Variants in SYK observed in about 807,000 individuals in gnomAD.
SYK encodes tyrosine-protein kinase SYK.
SYK carries 16 observed loss-of-function variants against 77.8 expected under a neutral mutation model. The ratio of observed to expected loss-of-function variants is 0.21; its 90% CI spans 0.14 to 0.31. The LOEUF is 0.31. SYK is among the 10% of genes least tolerant of loss of function. The pLI, the probability that SYK is intolerant of heterozygous loss-of-function variation, is 1.00. For synonymous variants in SYK, 312 were observed against 308.7 expected (o/e 1.01, Z -0.11); for missense variants, 529 against 814.4 (o/e 0.65, Z 4.26).
chr9:90,843,925 C>T lies in SYK; in HGVS notation c.27C>T (p.Ser9=), dbSNP rs201458538. 2.4e-5 allele frequency: 38 copies of T among 1,554,682 alleles called. No homozygotes were observed. The highest frequency in any genetic ancestry group is 2.8e-5 in the Non-Finnish European group (32 of 1,148,944). MASSGMAD[S]ANHLPFFFGN... is the part of the protein sequence containing the mutation. ...TGGCCAGCAGCGGCATGGCTGACAGCGCCAACCACCTGCCCTTCTTTTTCG... is the reference window on the plus strand; with the variant it reads ...TGGCCAGCAGCGGCATGGCTGACAGTGCCAACCACCTGCCCTTCTTTTTCG... Residue 9 remains serine (S), a synonymous_variant, in exon 2 of 14, where the codon AGC becomes AGT. Transcript: ENST00000375754.
intron 4 of SYK, among the ~76,000 whole-genome samples, chr9:90,862,725 T>C (rs1200716947): frequency 1.3e-5 from 2 of 152,050 alleles, no homozygotes; most frequent in Non-Finnish European, 2.9e-5. Context: ...ATCTAGAAAA[T>C]ATTTCTTCCT....
At chr9:90,818,532 C>T (rs1446850119) in intron 1 of SYK, among the ~76,000 whole-genome samples, 2 of 152,138 alleles carry the variant, frequency 1.3e-5, no homozygotes, top group African/African-American at 2.4e-5. Flanking sequence ...GACTTGTTTA[C>T]GGTCAGATCG....
chr9:90,854,749 C>A (rs572254631), intron 3 of SYK, among the ~76,000 whole-genome samples: 12 of 152,102 alleles, frequency 7.9e-5, no homozygotes, highest in African/African-American at 2.7e-4. Flanking sequence ...ACTGAATCCC[C>A]ATGTGGCTTG....
intron 11 of SYK, among the ~76,000 whole-genome samples, chr9:90,884,278 CACACATATACACAT>C (rs1828314814): frequency 5.1e-5 from 6 of 118,536 alleles, no homozygotes; most frequent in East Asian, 3.2e-4. Flanking sequence ...TGTATATATA[CACACATATACACAT>C]ACGTGTATAT....
chr9:90,880,116 G>A (rs1564116912), intron 11 of SYK, among the ~76,000 whole-genome samples: 5 of 152,194 alleles, frequency 3.3e-5, no homozygotes, highest in Admixed American at 2.6e-4. Flanking sequence ...TACCTAGTGG[G>A]TGGCAGATAG....
chr9:90,824,454 A>C (rs957150995), intron 1 of SYK, among the ~76,000 whole-genome samples: 1 of 152,182 alleles, frequency 6.6e-6, no homozygotes. Flanking sequence ...TATTACTTAT[A>C]TATACAAAAA....
At chr9:90,811,232 T>C (rs1825059547) in intron 1 of SYK, among the ~76,000 whole-genome samples, 1 of 152,170 alleles carries the variant, frequency 6.6e-6, no homozygotes, top group Non-Finnish European at 1.5e-5. Flanking sequence ...AATGGTAAGA[T>C]ATATTTAATT....
At chr9:90,865,804 T>A (rs1184432617) in intron 6 of SYK, among the ~76,000 whole-genome samples, 1 of 149,812 alleles carries the variant, frequency 6.7e-6, no homozygotes, top group East Asian at 2.0e-4. Flanking sequence ...AGCTGTCTCC[T>A]CCCTCCAGCC....
At chr9:90,880,160 A>G (rs1828095012) in intron 11 of SYK, among the ~76,000 whole-genome samples, 1 of 152,024 alleles carries the variant, frequency 6.6e-6, no homozygotes, top group Admixed American at 6.6e-5. Flanking sequence ...GTGGTCAGAG[A>G]CCCCACCCTG....
At chr9:90,852,543 G>A (rs902726432) in intron 3 of SYK, among the ~76,000 whole-genome samples, 2 of 152,222 alleles carry the variant, frequency 1.3e-5, no homozygotes, top group South Asian at 2.1e-4. Context: ...TTTGTATTAA[G>A]TGTATTGTTT....
rs115781501 is a variant in SYK at position 90,897,728 on chromosome 9, C to T, written c.*2128C>T. 843 of 224,622 alleles carry T rather than the reference C, an allele frequency of 3.8e-3. 9 individuals carry two copies. The highest frequency in any genetic ancestry group is 0.018 in the African/African-American group (800 of 45,002). The allele number at this position is 224,622 out of a possible 1,614,324, so 13.9% of individuals were successfully genotyped here. A position where few individuals can be genotyped will look rare whatever the true frequency, so the allele number is the denominator to read the frequency against. ...TGGGACAAGATGGGGGCAGGGGCCTCACCTCCCTGCAGAGGTCCGGCCAGG... is the reference window on the plus strand; with the variant it reads ...TGGGACAAGATGGGGGCAGGGGCCTTACCTCCCTGCAGAGGTCCGGCCAGG... On this transcript the variant is annotated 3_prime_UTR_variant, in exon 14 of 14. Coordinates refer to ENST00000375754, the MANE Select transcript of SYK (RefSeq NM_003177.7).
At chr9:90,828,138 C>G (rs116127216) in intron 1 of SYK, among the ~76,000 whole-genome samples, 2,887 of 151,492 alleles carry the variant, frequency 0.019, 94 homozygotes, top group African/African-American at 0.067. Flanking sequence ...TAAAATAGAG[C>G]CTGAAAGCGG....
chr9:90,809,745 C>T (rs1328905544), intron 1 of SYK, among the ~76,000 whole-genome samples: 2 of 152,180 alleles, frequency 1.3e-5, no homozygotes, highest in Non-Finnish European at 1.5e-5. Flanking sequence ...AAAGTGAGTG[C>T]CGAGCCCCTA....
At chr9:90,855,011 T>TACACAC (rs55839931) in intron 3 of SYK, among the ~76,000 whole-genome samples, 40,572 of 143,140 alleles carry the variant, frequency 0.28, 5,876 homozygotes, top group Middle Eastern at 0.39. Context: ...CACACATACA[T>TACACAC]ACACACACAC....
intron 3 of SYK, among the ~76,000 whole-genome samples, chr9:90,857,115 A>G (rs1346256829): frequency 6.6e-6 from 1 of 152,226 alleles, no homozygotes; most frequent in Non-Finnish European, 1.5e-5. Flanking sequence ...TTCAATTTCA[A>G]AAGTGAATTT....
At chr9:90,888,701 A>C in intron 13 of SYK, 74 bp downstream of exon 13, 1 of 1,167,538 alleles carries the variant, frequency 8.6e-7, no homozygotes, top group South Asian at 1.6e-5. Context: ...GTCTAAAAAA[A>C]AGGATAAAGT....
chr9:90,891,665 A>G (rs1197768742), intron 13 of SYK, among the ~76,000 whole-genome samples: 2 of 152,204 alleles, frequency 1.3e-5, no homozygotes, highest in East Asian at 3.8e-4. Flanking sequence ...ATCTGCCTAA[A>G]TAATTTCTTT....
rs1828978689 is a variant in SYK at position 90,896,206 on chromosome 9, A to AG, written c.*606_*607insG. On this transcript the variant is annotated 3_prime_UTR_variant, in exon 14 of 14. Coordinates refer to ENST00000375754, the MANE Select transcript of SYK (RefSeq NM_003177.7). The stretch of plus-strand genomic sequence containing the variant: ...GCCAGTTAAGGAAAGAAAGAAAGAA[A>AG]AAAAAAAAAGGCCTGGATACTGCTT... The AG allele has an allele frequency of 4.3e-6, 1 of 233,220 alleles. No individual in the cohort carries two copies. The highest frequency in any genetic ancestry group is 8.5e-6 in the Non-Finnish European group (1 of 118,020). 14.4% of individuals were successfully genotyped at this position (233,220 alleles called of 1,614,324 possible).
At chr9:90,803,039 C>T (rs1379965565) in intron 1 of SYK, among the ~76,000 whole-genome samples, 2 of 152,004 alleles carry the variant, frequency 1.3e-5, no homozygotes, top group Admixed American at 6.6e-5. Context: ...AGTGAAAGTC[C>T]GAGCAGTGCA....
Sources: gnomAD v4.1 joint callset for allele counts (sites outside exome capture counted in the v4.1 genomes callset) on GRCh38, gnomAD v4.1.1 for gene constraint, MANE v1.5 for transcripts, NCBI Gene and HGNC (gene_info 2026-07-23, HGNC 2026-07-21) for gene names.